The following CAMK1D variants were observed in gnomAD, a reference collection of about 807,000 sequenced individuals.
The protein encoded by CAMK1D is calcium/calmodulin dependent protein kinase ID.
CAMK1D carries 9 observed loss-of-function variants against 47.7 expected under a neutral mutation model. The ratio of observed to expected loss-of-function variants is 0.19; its 90% CI spans 0.11 to 0.33. The LOEUF is 0.33. Ranked by LOEUF, CAMK1D falls within the 10% of genes least tolerant of loss-of-function variation. The pLI, the probability that CAMK1D is intolerant of heterozygous loss-of-function variation, is 1.00. For missense variants in CAMK1D, 291 were observed against 488.7 expected, an observed-to-expected ratio of 0.60 and a Z score of 3.81; for synonymous variants, 184 against 184.9, an observed-to-expected ratio of 0.99 and a Z score of 0.04.
At chr10:12,457,779 C>CAAA (rs5783269) in intron 1 of CAMK1D, among the ~76,000 whole-genome samples, 39 of 71,090 alleles carry the variant, frequency 5.5e-4, no homozygotes, top group Non-Finnish European at 7.9e-4. Context: ...GACTCTGTCT[C>CAAA]AAAAAAAAAA....
At chr10:12,624,443 T>A (rs1054451651) in intron 2 of CAMK1D, among the ~76,000 whole-genome samples, 4 of 152,206 alleles carry the variant, frequency 2.6e-5, no homozygotes, top group Non-Finnish European at 4.4e-5. Flanking sequence ...CTCTCCACTC[T>A]CGGATTCTGT....
At chr10:12,631,673 G>T (rs1483244441) in intron 2 of CAMK1D, among the ~76,000 whole-genome samples, 1 of 147,910 alleles carries the variant, frequency 6.8e-6, no homozygotes, top group Non-Finnish European at 1.5e-5. Flanking sequence ...GAGATCACTT[G>T]TTCCCACGTT....
intron 2 of CAMK1D, among the ~76,000 whole-genome samples, chr10:12,656,643 A>G (rs942756237): frequency 6.6e-6 from 1 of 152,260 alleles, no homozygotes. Flanking sequence ...CAACAAAACT[A>G]GCTTACAGAC....
intron 3 of CAMK1D, among the ~76,000 whole-genome samples, chr10:12,729,706 C>T (rs1039477351): frequency 1.3e-5 from 2 of 152,146 alleles, no homozygotes; most frequent in Non-Finnish European, 2.9e-5. Flanking sequence ...GACGGTTAAA[C>T]TTCAGGGAGC....
At chr10:12,557,769 T>C (rs1035689225) in intron 2 of CAMK1D, among the ~76,000 whole-genome samples, 4 of 152,154 alleles carry the variant, frequency 2.6e-5, no homozygotes, top group Non-Finnish European at 4.4e-5. Context: ...TCCATGGAAG[T>C]AGGCCCATTT....
At chr10:12,378,418 A>AT (rs71384317) in intron 1 of CAMK1D, among the ~76,000 whole-genome samples, 3,049 of 142,708 alleles carry the variant, frequency 0.021, 96 homozygotes, top group African/African-American at 0.068. Flanking sequence ...GCAAACTTAA[A>AT]TTTTTTTTTT....
intron 5 of CAMK1D, among the ~76,000 whole-genome samples, chr10:12,775,055 T>C (rs556746027): frequency 1.1e-3 from 164 of 148,290 alleles, no homozygotes; most frequent in African/African-American, 3.7e-3. Flanking sequence ...GGCTCAGGCA[T>C]TGATCAGGTG....
intron 1 of CAMK1D, among the ~76,000 whole-genome samples, chr10:12,447,097 C>T (rs778181264): frequency 6.6e-6 from 1 of 152,092 alleles, no homozygotes; most frequent in African/African-American, 2.4e-5. Context: ...CACTGTGTCT[C>T]TCTCTCTCTG....
chr10:12,417,939 T>C (rs1396334125), intron 1 of CAMK1D, among the ~76,000 whole-genome samples: 1 of 151,980 alleles, frequency 6.6e-6, no homozygotes, highest in African/African-American at 2.4e-5. Context: ...ATAGCTGGGA[T>C]TACAGGCGCC....
chr10:12,495,772 T>C (rs1459802285), intron 1 of CAMK1D, among the ~76,000 whole-genome samples: 1 of 152,236 alleles, frequency 6.6e-6, no homozygotes. Flanking sequence ...AAATTGGAAA[T>C]ACATATTCAC....
intron 1 of CAMK1D, among the ~76,000 whole-genome samples, chr10:12,478,295 A>G: frequency 6.7e-6 from 1 of 149,664 alleles, no homozygotes; most frequent in East Asian, 2.0e-4. Context: ...GGCGTGAGCC[A>G]CTGCACCCAA....
chr10:12,589,998 C>T (rs1837949086), intron 2 of CAMK1D, among the ~76,000 whole-genome samples: 1 of 152,204 alleles, frequency 6.6e-6, no homozygotes, highest in South Asian at 2.1e-4. Flanking sequence ...AAAGCAAGCT[C>T]AAGTTCTTTG....
At chr10:12,399,200 T>C (rs1024384673) in intron 1 of CAMK1D, among the ~76,000 whole-genome samples, 9 of 151,992 alleles carry the variant, frequency 5.9e-5, no homozygotes, top group African/African-American at 1.7e-4. Context: ...CCCAAGTATA[T>C]CCAGGAAGAT....
At chr10:12,471,123 C>T (rs900012816) in intron 1 of CAMK1D, among the ~76,000 whole-genome samples, 11 of 152,168 alleles carry the variant, frequency 7.2e-5, no homozygotes, top group East Asian at 5.8e-4. Flanking sequence ...GTATCTGTAT[C>T]GATCTGAAGC....
At chr10:12,679,484 C>T (rs1840919859) in intron 3 of CAMK1D, among the ~76,000 whole-genome samples, 1 of 152,120 alleles carries the variant, frequency 6.6e-6, no homozygotes, top group African/African-American at 2.4e-5. Flanking sequence ...AAACTTGGGG[C>T]TTATAAAAAG....
At chr10:12,499,003 C>T (rs916176443) in intron 1 of CAMK1D, among the ~76,000 whole-genome samples, 1 of 150,764 alleles carries the variant, frequency 6.6e-6, no homozygotes, top group Non-Finnish European at 1.5e-5. Context: ...TAAAACAAGG[C>T]GTAGATTGCA....
At chr10:12,436,420 G>A (rs767385653) in intron 1 of CAMK1D, among the ~76,000 whole-genome samples, 6 of 152,222 alleles carry the variant, frequency 3.9e-5, no homozygotes, top group Non-Finnish European at 7.3e-5. Flanking sequence ...AGCAGTGACC[G>A]TCGAAGGAAA....
chr10:12,697,816 C>T (rs564378646), intron 3 of CAMK1D, among the ~76,000 whole-genome samples: 68 of 152,262 alleles, frequency 4.5e-4, no homozygotes, highest in African/African-American at 1.5e-3. Flanking sequence ...TTTGGCCGGG[C>T]GTTGCTGAGG....
At chr10:12,434,267 G>T (rs1046175145) in intron 1 of CAMK1D, among the ~76,000 whole-genome samples, 4 of 152,226 alleles carry the variant, frequency 2.6e-5, no homozygotes, top group Non-Finnish European at 5.9e-5. Context: ...ATAGCATAGA[G>T]TGTTTGGGGT....
Sources: gnomAD v4.1 joint callset for allele counts (sites outside exome capture counted in the v4.1 genomes callset) on GRCh38, gnomAD v4.1.1 for gene constraint, MANE v1.5 for transcripts, NCBI Gene and HGNC (gene_info 2026-07-23, HGNC 2026-07-21) for gene names.